TMPRSS5: variants seen among roughly 807,000 people sequenced by gnomAD.
TMPRSS5 encodes transmembrane protease serine 5.
In TMPRSS5, 45 loss-of-function variants were observed where a neutral mutation model predicts 59.7. The ratio of observed to expected loss-of-function variants is 0.75; its 90% CI spans 0.59 to 0.97. TMPRSS5 has a LOEUF of 0.97. Ranked by LOEUF, TMPRSS5 falls within the 50% of genes least tolerant of loss-of-function variation. The probability of loss-of-function intolerance (pLI) is 0.00; values close to 1 mark genes in which losing one functional copy is unlikely to be tolerated. For synonymous variants in TMPRSS5, 225 were observed against 232.0 expected, an observed-to-expected ratio of 0.97 and a Z score of 0.27; for missense variants, 585 against 596.7, an observed-to-expected ratio of 0.98 and a Z score of 0.20.
In TMPRSS5 at chr11:113,690,796, C is replaced by T. The variant is rs546675449; in HGVS notation, c.1063+45G>A. 4 of 1,520,894 alleles carry T rather than the reference C, an allele frequency of 2.6e-6. No individual in the cohort carries two copies. The African/African-American group carries it at 4.1e-5, about 16-fold the overall frequency. 94.2% of individuals were successfully genotyped at this position (1,520,894 alleles called of 1,614,324 possible). ...CTTGCCTCACCCTGGGGAAGAATGC[C>T]TCCCACACCCGCCCCTGCACCGAGG... On this transcript the variant is annotated intron_variant, in intron 10 of 12. Coordinates refer to ENST00000299882, the MANE Select transcript of TMPRSS5 (RefSeq NM_030770.4).
chr11:113,705,840 G>A (rs532948041), intron 1 of TMPRSS5, among the ~76,000 whole-genome samples: 26 of 152,240 alleles, frequency 1.7e-4, no homozygotes, highest in African/African-American at 6.0e-4. Context: ...GAATAAACTG[G>A]CCTCACCTCA....
At position 113,699,580 on chromosome 11, in the gene TMPRSS5, G is replaced by T. The variant is rs370990903; in HGVS notation, c.205+15C>A. The T allele has an allele frequency of 1.9e-5, 30 of 1,559,330 alleles. No homozygotes were observed. Among genetic ancestry groups the T allele is most frequent in the African/African-American group, 2.7e-5 (2 of 73,210 alleles). ...CCAACCTCCCCCACACCAGAGAAAGGCCCCCAGCACTGACCTAGGAGCCAT... is the reference window on the plus strand; with the variant it reads ...CCAACCTCCCCCACACCAGAGAAAGTCCCCCAGCACTGACCTAGGAGCCAT... On this transcript the variant is annotated intron_variant, in intron 3 of 12. Coordinates refer to ENST00000299882, the MANE Select transcript of TMPRSS5 (RefSeq NM_030770.4).
At chr11:113,702,985 T>G (rs1398442880) in intron 1 of TMPRSS5, among the ~76,000 whole-genome samples, 2 of 152,190 alleles carry the variant, frequency 1.3e-5, no homozygotes, top group African/African-American at 4.8e-5. Context: ...GGAAGGGAAA[T>G]GTAGGGTTGG....
At chr11:113,704,880 G>A (rs1196009738) in intron 1 of TMPRSS5, among the ~76,000 whole-genome samples, 1 of 129,054 alleles carries the variant, frequency 7.7e-6, no homozygotes, top group African/African-American at 2.8e-5. Context: ...AAAGAAGGGA[G>A]GGGGGAGGGA....
intron 1 of TMPRSS5, 73 bp downstream of exon 1, chr11:113,706,149 C>T: frequency 1.3e-6 from 2 of 1,546,938 alleles, no homozygotes; most frequent in South Asian, 2.4e-5. Context: ...CCTAGAATCC[C>T]AAGGGCAGAG....
intron 1 of TMPRSS5, among the ~76,000 whole-genome samples, 166 bp downstream of exon 1, chr11:113,706,056 G>A (rs1953282742): frequency 6.6e-6 from 1 of 152,178 alleles, no homozygotes; most frequent in Non-Finnish European, 1.5e-5. Context: ...TCCCTGGGGA[G>A]GAAACAGGAA....
chr11:113,702,495 G>A (rs1203313479), intron 1 of TMPRSS5, among the ~76,000 whole-genome samples: 2 of 152,306 alleles, frequency 1.3e-5, no homozygotes, highest in East Asian at 3.9e-4. Context: ...TGATAGAAAA[G>A]AAAACCCATT....
intron 1 of TMPRSS5, among the ~76,000 whole-genome samples, chr11:113,705,625 G>A (rs1357391598): frequency 6.6e-6 from 1 of 152,184 alleles, no homozygotes; most frequent in Non-Finnish European, 1.5e-5. Context: ...GCAGGCTTGG[G>A]AGAGCCAGTC....
At chr11:113,694,181 G>A (rs1290869332) in intron 8 of TMPRSS5, among the ~76,000 whole-genome samples, 1 of 147,996 alleles carries the variant, frequency 6.8e-6, no homozygotes, top group Admixed American at 6.9e-5. Context: ...GGAGGTGAAG[G>A]TTGCAGTGAG....
intron 11 of TMPRSS5, 55 bp downstream of exon 11, chr11:113,690,176 G>GGCCCACCCCC: frequency 2.6e-6 from 1 of 388,230 alleles, no homozygotes; most frequent in Non-Finnish European, 4.2e-6. Context: ...CAGGCCCCCT[G>GGCCCACCCCC]CCCTCCCACC....
At chr11:113,698,070 A>C (rs1223227312) in intron 4 of TMPRSS5, among the ~76,000 whole-genome samples, 1 of 152,174 alleles carries the variant, frequency 6.6e-6, no homozygotes, top group Admixed American at 6.5e-5. Context: ...CTCTCTCCTC[A>C]AGAGCAGAGG....
At position 113,694,475 on chromosome 11, in the gene TMPRSS5, T is replaced by G. The variant is rs1190588296; in HGVS notation, c.785+3A>C. 3.2e-6 allele frequency: 5 copies of G among 1,560,378 alleles called. No individual in the cohort carries two copies. Among genetic ancestry groups the G allele is most frequent in the Admixed American group, 1.9e-5 (1 of 52,902 alleles). ...TCTGTCCTCAGCAGCCACAGAGACT[T>G]GCCTGTGCATACAATGTGCAGCAGT... On this transcript the variant is annotated splice_donor_region_variant and intron_variant, in intron 8 of 12. Transcript: ENST00000299882.
In TMPRSS5 at chr11:113,693,653, G is replaced by A. The variant is rs922925427; in HGVS notation, c.786-404C>T. ...TTCTCCCTCTCAGCCTCGGTAAAATGGGGATTACACTCTCTGCCCTGTCCG... is the reference window on the plus strand; with the variant it reads ...TTCTCCCTCTCAGCCTCGGTAAAATAGGGATTACACTCTCTGCCCTGTCCG... On this transcript the variant is annotated intron_variant, in intron 8 of 12. Coordinates refer to ENST00000299882, the MANE Select transcript of TMPRSS5 (RefSeq NM_030770.4). 39 of 164,242 alleles carry A rather than the reference G, an allele frequency of 2.4e-4. 1 individual carries two copies. Among genetic ancestry groups the A allele is most frequent in the Admixed American group, 1.8e-3 (32 of 17,322 alleles). The allele number at this position is 164,242 out of a possible 1,614,324, so 10.2% of individuals were successfully genotyped here.
chr11:113,705,353 C>T (rs1953262951), intron 1 of TMPRSS5, among the ~76,000 whole-genome samples: 1 of 152,210 alleles, frequency 6.6e-6, no homozygotes, highest in Admixed American at 6.5e-5. Flanking sequence ...AATCATTCCA[C>T]TGGACCCAGA....
rs929671411 is a variant in TMPRSS5, at chr11:113,696,871, C to T, written c.565G>A (p.Ala189Thr). The T allele has an allele frequency of 6.4e-6, 10 of 1,564,814 alleles. No homozygotes were observed. The African/African-American group carries it at 9.5e-5, about 15-fold the overall frequency. The change falls in exon 6 of 13, where the codon GCG (alanine) becomes ACG (threonine). Residue 189 changes from alanine to threonine, a missense_variant. Coordinates refer to ENST00000299882, the MANE Select transcript of TMPRSS5 (RefSeq NM_030770.4). Reference sequence around the variant, plus strand: ...CAGTAGTCCTACCTGGGCTGCCACGCCTCCTCCAGGAAGCCTCCCAGTCTA... The same window carrying T: ...CAGTAGTCCTACCTGGGCTGCCACGTCTCCTCCAGGAAGCCTCCCAGTCTA... ...SPRLGGFLEE[A>T]WQPRNNCTSG...
At chr11:113,690,513 G>A in intron 10 of TMPRSS5, 140 bp from the exon 11 acceptor site, 2 of 1,313,238 alleles carry the variant, frequency 1.5e-6, no homozygotes, top group Non-Finnish European at 2.0e-6. Flanking sequence ...TGGACGCTGA[G>A]CAAGGAAGCA....
chr11:113,689,069 C>T (rs918472403), intron 12 of TMPRSS5, among the ~76,000 whole-genome samples: 44 of 152,256 alleles, frequency 2.9e-4, no homozygotes, highest in African/African-American at 9.6e-4. Context: ...ACATAAATAA[C>T]ACGATAGGCC....
At chr11:113,691,721 C>G (rs1413620480) in intron 9 of TMPRSS5, among the ~76,000 whole-genome samples, 1 of 150,846 alleles carries the variant, frequency 6.6e-6, no homozygotes, top group African/African-American at 2.4e-5. Context: ...ACTTACTATA[C>G]TATATAGTAA....
Position 113,701,978 on chromosome 11 carries a change from G to A in TMPRSS5, c.4-1810C>T, listed in dbSNP as rs142613114. ...TGTCCCCCACCCCCAGTCAGGCCCC[G>A]GGGTGTGTTGTTCCCCTCCCCATGT... On this transcript the variant is annotated intron_variant, in intron 1 of 12. Coordinates refer to ENST00000299882, the MANE Select transcript of TMPRSS5 (RefSeq NM_030770.4). Among the ~76,000 whole-genome samples, 753 of 151,854 alleles carry A rather than the reference G, an allele frequency of 5.0e-3. 5 individuals carry two copies. The highest frequency in any genetic ancestry group is 0.017 in the African/African-American group (699 of 41,396).
Sources: allele counts gnomAD v4.1 joint callset (sites outside exome capture counted in the v4.1 genomes callset), GRCh38; gene constraint gnomAD v4.1.1; transcripts MANE v1.5; gene names NCBI Gene and HGNC (gene_info 2026-07-23, HGNC 2026-07-21).